ROBO2: variants seen among roughly 807,000 people sequenced by gnomAD.
ROBO2 encodes the protein roundabout guidance receptor 2.
Under a neutral mutation model 160.8 loss-of-function variants are expected in ROBO2, and 53 were observed. The observed-to-expected ratio is 0.33, with a 90% CI of 0.26 to 0.41. The LOEUF is 0.41. Among genes scored for constraint, ROBO2 ranks in the 10% least tolerant of loss-of-function variants. The pLI, the probability that ROBO2 is intolerant of heterozygous loss-of-function variation, is 1.00. For synonymous variants in ROBO2, 664 were observed against 611.7 expected, an observed-to-expected ratio of 1.09 and a Z score of -1.26; for missense variants, 1,577 against 1,722.4, an observed-to-expected ratio of 0.92 and a Z score of 1.49.
intron 2 of ROBO2, among the ~76,000 whole-genome samples, chr3:76,201,356 A>G (rs1240777182): frequency 2.6e-5 from 4 of 152,108 alleles, no homozygotes; most frequent in African/African-American, 4.8e-5. Flanking sequence ...TATTCTTAGG[A>G]CCGTCATGCA....
intron 2 of ROBO2, among the ~76,000 whole-genome samples, chr3:75,996,107 G>C (rs1465792343): frequency 1.3e-5 from 2 of 150,128 alleles, no homozygotes; most frequent in Admixed American, 6.6e-5. Flanking sequence ...AGACTTCAGG[G>C]GACTGTTGAG....
intron 6 of ROBO2, among the ~76,000 whole-genome samples, chr3:77,532,636 T>C (rs1479222107): frequency 6.6e-6 from 1 of 151,958 alleles, no homozygotes; most frequent in African/African-American, 2.4e-5. Flanking sequence ...TTTCATATTG[T>C]ATGATTTCTC....
chr3:77,460,293 G>A (rs2082113172), intron 2 of ROBO2, among the ~76,000 whole-genome samples: 1 of 152,100 alleles, frequency 6.6e-6, no homozygotes, highest in African/African-American at 2.4e-5. Flanking sequence ...TACAAAGACA[G>A]GGAAGATTGC....
intron 2 of ROBO2, among the ~76,000 whole-genome samples, chr3:76,477,075 C>G (rs2078969264): frequency 6.6e-6 from 1 of 152,132 alleles, no homozygotes; most frequent in Admixed American, 6.6e-5. Context: ...TGCAAATGAT[C>G]CTGTCTACTC....
chr3:77,295,657 C>G (rs185942496), intron 2 of ROBO2, among the ~76,000 whole-genome samples: 1 of 66,438 alleles, frequency 1.5e-5, no homozygotes, highest in Non-Finnish European at 3.7e-5. Flanking sequence ...CTAGATCACC[C>G]CAGACATAAA....
chr3:76,798,304 G>GAAAGAAAGAAA (rs1560581038), intron 2 of ROBO2, among the ~76,000 whole-genome samples: 1 of 149,798 alleles, frequency 6.7e-6, no homozygotes, highest in Non-Finnish European at 1.5e-5. Context: ...AAGAAAGAAA[G>GAAAGAAAGAAA]AAAGAAAGAA....
At chr3:76,092,732 T>G (rs1347018342) in intron 2 of ROBO2, among the ~76,000 whole-genome samples, 1 of 152,166 alleles carries the variant, frequency 6.6e-6, no homozygotes, top group Non-Finnish European at 1.5e-5. Flanking sequence ...CACCCTTTAT[T>G]TAAGAATTGT....
At chr3:77,326,548 C>A (rs2065417231) in intron 2 of ROBO2, among the ~76,000 whole-genome samples, 1 of 152,138 alleles carries the variant, frequency 6.6e-6, no homozygotes, top group East Asian at 1.9e-4. Context: ...AAAGTATAAT[C>A]TTTTATGTTT....
chr3:77,526,098 A>G (rs2091127512), intron 6 of ROBO2, among the ~76,000 whole-genome samples: 1 of 151,404 alleles, frequency 6.6e-6, no homozygotes. Context: ...TCCTCTGGCT[A>G]TAGCAAACAC....
In ROBO2 at chr3:76,138,120, T is replaced by C. The variant is rs779044870; in HGVS notation, c.109+200518T>C. Among the ~76,000 whole-genome samples, 11 of 152,108 alleles carry C rather than the reference T, an allele frequency of 7.2e-5. No individual in the cohort carries two copies. The East Asian group carries it at 1.9e-3, about 27-fold the overall frequency. On this transcript the variant is annotated intron_variant, in intron 2 of 26. Coordinates refer to the ROBO2 transcript ENST00000487694. ...GATTGATAAAAAGATAGAAACGTTT[T>C]TAGTCTTTTAAAGAAAACTATAATC...
intron 2 of ROBO2, among the ~76,000 whole-genome samples, chr3:76,980,588 T>G (rs1412241877): frequency 1.3e-5 from 2 of 152,178 alleles, no homozygotes; most frequent in Non-Finnish European, 2.9e-5. Flanking sequence ...CTTAATATAT[T>G]GACAACTTGA....
chr3:76,201,344 A>G (rs553735123), intron 2 of ROBO2, among the ~76,000 whole-genome samples: 3 of 152,218 alleles, frequency 2.0e-5, no homozygotes, highest in East Asian at 3.9e-4. Flanking sequence ...GTATCTTTCC[A>G]TTATTCTTAG....
At chr3:76,403,528 T>C (rs2077966572) in intron 2 of ROBO2, among the ~76,000 whole-genome samples, 1 of 151,554 alleles carries the variant, frequency 6.6e-6, no homozygotes, top group Non-Finnish European at 1.5e-5. Flanking sequence ...TTCTCCAAAA[T>C]GCTATATTGA....
At chr3:76,480,724 A>G (rs1320399101) in intron 2 of ROBO2, among the ~76,000 whole-genome samples, 1 of 152,224 alleles carries the variant, frequency 6.6e-6, no homozygotes, top group South Asian at 2.1e-4. Context: ...TTCTAAAGGT[A>G]CCACCTCCCA....
intron 6 of ROBO2, among the ~76,000 whole-genome samples, chr3:77,540,530 G>T (rs528990171): frequency 6.6e-6 from 1 of 152,076 alleles, no homozygotes; most frequent in Admixed American, 6.5e-5. Flanking sequence ...TGAACACATA[G>T]GCACAGGGAG....
intron 5 of ROBO2, among the ~76,000 whole-genome samples, chr3:77,515,555 A>G (rs1489152905): frequency 6.6e-6 from 1 of 151,810 alleles, no homozygotes; most frequent in Non-Finnish European, 1.5e-5. Flanking sequence ...TCTAGTAACA[A>G]CAGCCATTAA....
chr3:77,635,174 A>G, intron 24 of ROBO2, 131 bp downstream of exon 25: 1 of 917,020 alleles, frequency 1.1e-6, no homozygotes, highest in Non-Finnish European at 1.7e-6. Flanking sequence ...ACCTGGCAAT[A>G]TGGCCTTGTT....
intron 2 of ROBO2, among the ~76,000 whole-genome samples, chr3:76,068,591 C>A (rs1053529625): frequency 6.6e-6 from 1 of 152,138 alleles, no homozygotes; most frequent in African/African-American, 2.4e-5. Context: ...GCTAATTAAT[C>A]ATATTCTTCA....
chr3:76,525,526 C>T (rs2081902796), intron 2 of ROBO2, among the ~76,000 whole-genome samples: 1 of 151,902 alleles, frequency 6.6e-6, no homozygotes, highest in Non-Finnish European at 1.5e-5. Context: ...TCTTTCCTTT[C>T]TTATTTAAAC....
Sources: allele counts gnomAD v4.1 joint callset (sites outside exome capture counted in the v4.1 genomes callset), GRCh38; gene constraint gnomAD v4.1.1; transcripts MANE v1.5; gene names NCBI Gene and HGNC (gene_info 2026-07-23, HGNC 2026-07-21).